USP28: variants seen among roughly 807,000 people sequenced by gnomAD.
USP28 encodes the protein ubiquitin carboxyl-terminal hydrolase 28.
Under a neutral mutation model 145.0 loss-of-function variants are expected in USP28, and 113 were observed. The ratio of observed to expected loss-of-function variants is 0.78; its 90% CI spans 0.67 to 0.91. The LOEUF (loss-of-function observed/expected upper bound fraction) is 0.91. Ranked by LOEUF, USP28 falls within the 40% of genes least tolerant of loss-of-function variation. The pLI is 0.00. For synonymous variants in USP28, 447 were observed against 450.9 expected (o/e 0.99, Z 0.11); for missense variants, 1,201 against 1,289.6 (o/e 0.93, Z 1.05).
At chr11:113,845,561 T>C (rs1945736766) in intron 3 of USP28, among the ~76,000 whole-genome samples, 1 of 152,190 alleles carries the variant, frequency 6.6e-6, no homozygotes, top group Non-Finnish European at 1.5e-5. Context: ...TACTTCTGGG[T>C]ATCCAAAAGA....
intron 4 of USP28, among the ~76,000 whole-genome samples, chr11:113,841,390 C>G (rs1945178467): frequency 6.6e-6 from 1 of 152,190 alleles, no homozygotes; most frequent in Non-Finnish European, 1.5e-5. Flanking sequence ...TTATCAGATA[C>G]CTGGACTAGG....
At chr11:113,853,806 G>C (rs544054691) in intron 2 of USP28, among the ~76,000 whole-genome samples, 2 of 149,720 alleles carry the variant, frequency 1.3e-5, no homozygotes, top group African/African-American at 2.5e-5. Flanking sequence ...TTGAATGCGG[G>C]AGGGAGAGGC....
intron 8 of USP28, 144 bp downstream of exon 8, chr11:113,831,776 T>C (rs1944008019): frequency 3.4e-6 from 2 of 582,704 alleles, no homozygotes; most frequent in Non-Finnish European, 5.7e-6. Context: ...CAGGGATACA[T>C]GATGAGGACT....
Position 113,799,172 on chromosome 11 carries a change from A to G in USP28, c.*68T>C, listed in dbSNP as rs1450428177. On this transcript the variant is annotated 3_prime_UTR_variant, in exon 25 of 25. Transcript: ENST00000003302. The stretch of plus-strand genomic sequence containing the variant: ...TAATCCTTTTCCCAAGGTGAGCACT[A>G]TGACAACGAACTTCTGTGCAAGAGG... 4 of 1,540,632 alleles carry G rather than the reference A, an allele frequency of 2.6e-6. No homozygotes were observed. In the African/African-American group the frequency reaches 4.1e-5, roughly 16 times the overall value.
intron 3 of USP28, 92 bp downstream of exon 3, chr11:113,852,409 G>A (rs1946569203): frequency 2.7e-6 from 4 of 1,491,206 alleles, no homozygotes; most frequent in Non-Finnish European, 3.7e-6. Flanking sequence ...ATTTTCAAAG[G>A]GCTGATGTGA....
chr11:113,824,685 C>T (rs1943083472), intron 11 of USP28, among the ~76,000 whole-genome samples: 1 of 150,946 alleles, frequency 6.6e-6, no homozygotes, highest in Admixed American at 6.6e-5. Flanking sequence ...AATCCCAACA[C>T]TTTGGGAGGC....
intron 1 of USP28, among the ~76,000 whole-genome samples, chr11:113,873,923 A>ACCTTAAGTCGGGAGTT (rs1427929574): frequency 6.6e-6 from 1 of 150,746 alleles, no homozygotes; most frequent in Non-Finnish European, 1.5e-5. Flanking sequence ...CGGGCGGATC[A>ACCTTAAGTCGGGAGTT]TGAGGTCAAG....
intron 16 of USP28, among the ~76,000 whole-genome samples, chr11:113,810,384 C>G (rs917579323): frequency 2.0e-5 from 3 of 152,166 alleles, no homozygotes; most frequent in Non-Finnish European, 4.4e-5. Flanking sequence ...CAAAAAAAGT[C>G]TATAGCAGAT....
chr11:113,804,986 T>C (rs1409083342), exon 20 of USP28: 3 of 1,614,170 alleles, frequency 1.9e-6, no homozygotes, highest in South Asian at 2.2e-5. Flanking sequence ...CGAGGATCAC[T>C]GTGAGAGGTG....
At chr11:113,851,673 G>A (rs907280748) in intron 3 of USP28, among the ~76,000 whole-genome samples, 1 of 151,940 alleles carries the variant, frequency 6.6e-6, no homozygotes, top group Non-Finnish European at 1.5e-5. Flanking sequence ...GTGGGCGCCT[G>A]TAATCCCAGC....
chr11:113,806,616 AAGGAG>A (rs1940015513), intron 18 of USP28, 32 bp from the exon 20 acceptor site: 1 of 1,453,616 alleles, frequency 6.9e-7, no homozygotes, highest in African/African-American at 1.4e-5. Flanking sequence ...CACAGAGAGA[AAGGAG>A]AGAAGAAAGG....
At chr11:113,808,459 G>A (rs1234859922) in intron 17 of USP28, 22 bp from the exon 18 acceptor site, 2 of 1,612,494 alleles carry the variant, frequency 1.2e-6, no homozygotes, top group Admixed American at 1.7e-5. Flanking sequence ...TTGAACAAAG[G>A]TCTTAGCATC....
chr11:113,824,890 C>CATTGCACTCCAGCCTGGGCA, intron 11 of USP28, among the ~76,000 whole-genome samples: 1 of 146,910 alleles, frequency 6.8e-6, no homozygotes, highest in Admixed American at 6.9e-5. Flanking sequence ...AAGATCGCAC[C>CATTGCACTCCAGCCTGGGCA]ATTGCACTCC....
At chr11:113,817,665 T>C in exon 13 of USP28, 1 of 1,613,206 alleles carries the variant, frequency 6.2e-7, no homozygotes, top group Non-Finnish European at 8.5e-7. Flanking sequence ...TACCTTTCCT[T>C]GGATGTCTGG....
chr11:113,840,873 T>G (rs992684540), intron 4 of USP28, 116 bp from the exon 5 acceptor site: 5 of 1,282,298 alleles, frequency 3.9e-6, no homozygotes, highest in Middle Eastern at 2.4e-4. Context: ...AAGTATTTAC[T>G]GGATAATCCC....
chr11:113,821,234 C>A lies in USP28; in HGVS notation c.1283+2371G>T. 4 of 223,734 alleles carry A rather than the reference C, an allele frequency of 1.8e-5. No homozygotes were observed. In the South Asian group the frequency reaches 2.5e-4, roughly 14 times the overall value. The allele number at this position is 223,734 out of a possible 1,614,324, so 13.9% of individuals were successfully genotyped here. A position where few individuals can be genotyped will look rare whatever the true frequency, so the allele number is the denominator to read the frequency against. On this transcript the variant is annotated intron_variant, in intron 12 of 24. Coordinates refer to ENST00000003302, the Ensembl canonical transcript of USP28. ...GCTTCTGGACACCACTCCACCTGGTCTGGCAGTCCACAGTGTGGCCAGGGG... is the reference window on the plus strand; with the variant it reads ...GCTTCTGGACACCACTCCACCTGGTATGGCAGTCCACAGTGTGGCCAGGGG...
At chr11:113,826,576 G>C (rs1192833922) in intron 11 of USP28, among the ~76,000 whole-genome samples, 3 of 151,454 alleles carry the variant, frequency 2.0e-5, no homozygotes, top group Non-Finnish European at 4.4e-5. Flanking sequence ...CAAAGTGCTA[G>C]GATTACAGAT....
chr11:113,811,911 A>C (rs1941049388), intron 16 of USP28, among the ~76,000 whole-genome samples: 1 of 152,196 alleles, frequency 6.6e-6, no homozygotes, highest in Non-Finnish European at 1.5e-5. Context: ...AAAAATATAG[A>C]GATTGCTAAA....
chr11:113,813,986 C>T (rs751738975), intron 14 of USP28, 31 bp from the exon 15 acceptor site: 3 of 1,511,096 alleles, frequency 2.0e-6, no homozygotes, highest in Non-Finnish European at 2.7e-6. Context: ...AAAAGCTTCA[C>T]TAAAATGATC....
Sources: gnomAD v4.1 joint callset for allele counts (sites outside exome capture counted in the v4.1 genomes callset) on GRCh38, gnomAD v4.1.1 for gene constraint, MANE v1.5 for transcripts, NCBI Gene and HGNC (gene_info 2026-07-23, HGNC 2026-07-21) for gene names.